The following CFAP74 variants were observed in gnomAD, a reference collection of about 807,000 sequenced individuals.
CFAP74 encodes the protein cilia and flagella associated protein 74.
CFAP74 carries 124 observed loss-of-function variants against 188.9 expected under a neutral mutation model. That is an observed-to-expected ratio of 0.66 (90% CI 0.57 to 0.76). The LOEUF is 0.76. Ranked by LOEUF, CFAP74 falls within the 30% of genes least tolerant of loss-of-function variation. CFAP74 has a pLI of 0.00. For synonymous variants in CFAP74, 956 were observed against 916.7 expected (o/e 1.04, Z -0.77); for missense variants, 2,198 against 2,165.2 (o/e 1.02, Z -0.30).
chr1:1,926,691 T>A lies in CFAP74; in HGVS notation c.3733A>T (p.Lys1245Ter). ...VAPSVVVTSH[K>*]GKTIFNFGDV... ...CCGAAGTTAAAGATGGTCTTGCCTT[T>A]ATGGGACGTCACCACAACAGATGGT... The change falls in exon 30 of 39, where the codon AAA becomes TAA. Residue 1245 changes from lysine (K) to a stop codon, truncating the protein, a stop_gained. Transcript: ENST00000682832. LOFTEE classifies it high-confidence loss of function. The A allele has an allele frequency of 6.5e-7, 1 of 1,550,162 alleles. No individual in the cohort carries two copies. Among genetic ancestry groups the A allele is most frequent in the South Asian group, 1.2e-5 (1 of 84,064 alleles).
chr1:1,972,460 C>T (rs1054699302), intron 8 of CFAP74, among the ~76,000 whole-genome samples: 1 of 152,244 alleles, frequency 6.6e-6, no homozygotes, highest in Non-Finnish European at 1.5e-5. Flanking sequence ...ACACGCCCAG[C>T]GCATCTCAAG....
Position 1,922,581 on chromosome 1 carries a change from G to T in CFAP74, c.4818+8C>A. 1 of 1,608,926 alleles carries T rather than the reference G, an allele frequency of 6.2e-7. No homozygotes were observed. Among genetic ancestry groups the T allele is most frequent in the African/African-American group, 1.3e-5 (1 of 74,966 alleles). On this transcript the variant is annotated splice_region_variant and intron_variant, in intron 38 of 38. Transcript: ENST00000682832. ...GGGCTCCCTGGCCTGGAGCCCAAAG[G>T]CACCTACATCAAAGTCCGCAGGTGG...
chr1:1,934,935 G>C (rs1381533169), intron 25 of CFAP74, among the ~76,000 whole-genome samples: 1 of 95,924 alleles, frequency 1.0e-5, no homozygotes, highest in Non-Finnish European at 2.3e-5. Context: ...AGGTACACAG[G>C]TGTGTACGTG....
chr1:1,968,876 C>A lies in CFAP74; in HGVS notation c.1047-43G>T. 1.3e-6 allele frequency: 2 copies of A among 1,590,848 alleles called. No homozygotes were observed. The highest frequency in any genetic ancestry group is 1.7e-6 in the Non-Finnish European group (2 of 1,163,188). On this transcript the variant is annotated intron_variant, in intron 10 of 38. Transcript: ENST00000682832. This position sits in a 1 kb window ranked among gnomAD's most constrained non-coding sequence, Gnocchi z 4.3. ...TCAGATGAGTGCAAGAGGTCCCCTGCCTCCACCTTGCCCCAGATGAGACAG... is the reference window on the plus strand; with the variant it reads ...TCAGATGAGTGCAAGAGGTCCCCTGACTCCACCTTGCCCCAGATGAGACAG...
intron 11 of CFAP74, among the ~76,000 whole-genome samples, chr1:1,966,837 A>ATTT (rs756219387): frequency 1.1e-4 from 15 of 135,700 alleles, no homozygotes; most frequent in African/African-American, 4.1e-4. Flanking sequence ...ATCTGTTCTC[A>ATTT]TTTTTTTTTT....
intron 27 of CFAP74, chr1:1,928,039 C>G (rs902016355): frequency 4.2e-5 from 19 of 451,878 alleles, no homozygotes; most frequent in Non-Finnish European, 7.4e-5. Context: ...CTTCCCCTAT[C>G]TTCACCGCGG....
At chr1:1,932,955 G>A (rs1251726693) in intron 25 of CFAP74, among the ~76,000 whole-genome samples, 5 of 149,898 alleles carry the variant, frequency 3.3e-5, no homozygotes, top group Middle Eastern at 3.4e-3. Context: ...GTGCGATCTC[G>A]GCTCACTGCA....
intron 6 of CFAP74, among the ~76,000 whole-genome samples, chr1:1,983,014 A>G (rs1657005557): frequency 6.6e-6 from 1 of 152,250 alleles, no homozygotes. Context: ...GCAGACACGA[A>G]CGCAGGATGC....
chr1:1,985,786 C>T (rs1332909515), intron 5 of CFAP74, among the ~76,000 whole-genome samples: 1 of 152,230 alleles, frequency 6.6e-6, no homozygotes, highest in African/African-American at 2.4e-5. Flanking sequence ...AGGCCTGTGA[C>T]CCGGGAAGGA....
At chr1:1,948,121 T>C (rs28498068) in intron 18 of CFAP74, among the ~76,000 whole-genome samples, 1 of 151,964 alleles carries the variant, frequency 6.6e-6, no homozygotes, top group Non-Finnish European at 1.5e-5. Flanking sequence ...TCTGCCCACC[T>C]TGGCCTCCCA....
intron 14 of CFAP74, 117 bp from the exon 15 acceptor site, chr1:1,960,147 G>A (rs780046996): frequency 1.2e-6 from 1 of 827,054 alleles, no homozygotes; most frequent in South Asian, 1.6e-5. Context: ...CCCGGGCCTG[G>A]CCCCCTGCCC....
In CFAP74 at chr1:1,986,532, G is replaced by A. The variant is rs576291704; in HGVS notation, c.395+405C>T. Among the ~76,000 whole-genome samples the A allele has an allele frequency of 1.3e-4, 20 of 152,328 alleles. No homozygotes were observed. The East Asian group carries it at 1.7e-3, about 13-fold the overall frequency. On this transcript the variant is annotated intron_variant, in intron 5 of 38. Transcript: ENST00000682832. ...GTGAGGCGAGGCCAGAGCTGCAGCC[G>A]TGGAGCCATCCAGGCTCCCGGAGCA...
intron 18 of CFAP74, chr1:1,954,527 T>C (rs1361974317): frequency 6.4e-6 from 1 of 156,800 alleles, no homozygotes; most frequent in Non-Finnish European, 1.4e-5. Context: ...CTCATGCCTG[T>C]AATCCAGCAC....
rs374252351 is a variant in CFAP74 at position 1,927,879 on chromosome 1, C to T, written c.3388-133G>A. ...GGATTGAATGTGGGGACGCAAAAGCCGACCGGCGCCCGAGGAAGACAGTAG... is the reference window on the plus strand; with the variant it reads ...GGATTGAATGTGGGGACGCAAAAGCTGACCGGCGCCCGAGGAAGACAGTAG... On this transcript the variant is annotated intron_variant, in intron 27 of 38. Coordinates refer to ENST00000682832, the MANE Select transcript of CFAP74 (RefSeq NM_001304360.2). 3.8e-5 allele frequency: 38 copies of T among 998,064 alleles called. 1 individual carries two copies. In the South Asian group the frequency reaches 4.2e-4, roughly 11 times the overall value. 61.8% of individuals were successfully genotyped at this position (998,064 alleles called of 1,614,324 possible).
At chr1:1,937,223 G>A (rs376624413) in intron 25 of CFAP74, among the ~76,000 whole-genome samples, 2 of 152,252 alleles carry the variant, frequency 1.3e-5, no homozygotes, top group African/African-American at 4.8e-5. Flanking sequence ...GCGACGGGGC[G>A]TTAGCGCCCT....
In CFAP74 at chr1:1,972,233, A is replaced by G. The variant is rs1656136719; in HGVS notation, c.786-151T>C. 5 of 644,768 alleles carry G rather than the reference A, an allele frequency of 7.8e-6. No individual in the cohort carries two copies. The South Asian group carries it at 8.7e-5, about 11-fold the overall frequency. The allele number at this position is 644,768 out of a possible 1,614,324, so 39.9% of individuals were successfully genotyped here. A position where few individuals can be genotyped will look rare whatever the true frequency, so the allele number is the denominator to read the frequency against. On this transcript the variant is annotated intron_variant, in intron 8 of 38. Transcript: ENST00000682832. ...AGCGCTGGGATCACAGGCATGCACCACCACAAACGGCCACATTTTTAACCG... is the reference window on the plus strand; with the variant it reads ...AGCGCTGGGATCACAGGCATGCACCGCCACAAACGGCCACATTTTTAACCG...
chr1:1,987,699 G>C (rs1469869543), intron 4 of CFAP74, among the ~76,000 whole-genome samples: 2 of 151,308 alleles, frequency 1.3e-5, no homozygotes, highest in Admixed American at 1.3e-4. Context: ...CCACCACCAC[G>C]CACAGCTAAT....
At position 1,923,840 on chromosome 1, in the gene CFAP74, T is replaced by C; in HGVS notation, c.4324A>G (p.Thr1442Ala). The change falls in exon 35 of 39, where the codon ACC (threonine) becomes GCC (alanine). Residue 1442 changes from threonine (T) to alanine (A), a missense_variant. Coordinates refer to ENST00000682832, the MANE Select transcript of CFAP74 (RefSeq NM_001304360.2). The surrounding 1 kb of genome is among the most constrained non-coding windows in gnomAD (Gnocchi z 6.3). ...AGGCTTTCGTGGTCGGGGCTGAAGG[T>C]GACAGTGAAGTCTTGTGTCTTCCCG... ...DPGKTQDFTV[T>A]FSPDHESLYF... The C allele has an allele frequency of 6.2e-7, 1 of 1,613,334 alleles. No individual in the cohort carries two copies. The highest frequency in any genetic ancestry group is 8.5e-7 in the Non-Finnish European group (1 of 1,179,792).
chr1:2,002,651 C>T (rs931909820), intron 1 of CFAP74, among the ~76,000 whole-genome samples: 1 of 149,928 alleles, frequency 6.7e-6, no homozygotes, highest in South Asian at 2.1e-4. Context: ...ACCTGGGCAA[C>T]ACAGTGAGAC....
Sources: gnomAD v4.1 joint callset for allele counts (sites outside exome capture counted in the v4.1 genomes callset) on GRCh38, gnomAD v4.1.1 for gene constraint, Gnocchi (gnomAD v3.1) non-coding constraint, MANE v1.5 for transcripts, NCBI Gene and HGNC (gene_info 2026-07-23, HGNC 2026-07-21) for gene names.